Variants in PALS1 observed in about 807,000 individuals in gnomAD.
PALS1 encodes protein associated with LIN7 1, MAGUK p55 family member, also known as protein PALS1.
PALS1 carries 31 observed loss-of-function variants against 78.9 expected under a neutral mutation model. The observed-to-expected ratio is 0.39, with a 90% CI of 0.30 to 0.53. The LOEUF (loss-of-function observed/expected upper bound fraction) is 0.53. Ranked by LOEUF, PALS1 falls within the 20% of genes least tolerant of loss-of-function variation. The pLI is 0.67. For synonymous variants in PALS1, 276 were observed against 270.9 expected, an observed-to-expected ratio of 1.02 and a Z score of -0.18; for missense variants, 704 against 826.5, an observed-to-expected ratio of 0.85 and a Z score of 1.82.
chr14:67,252,962 CAA>C (rs2084089079), intron 1 of PALS1, among the ~76,000 whole-genome samples: 1 of 152,180 alleles, frequency 6.6e-6, no homozygotes, highest in South Asian at 2.1e-4. Context: ...GCTTTTTCTA[CAA>C]AGACATAACC....
At chr14:67,301,745 A>G (rs2084934977) in intron 5 of PALS1, among the ~76,000 whole-genome samples, 1 of 152,138 alleles carries the variant, frequency 6.6e-6, no homozygotes, top group Non-Finnish European at 1.5e-5. Context: ...GGGTGTGTAG[A>G]CCTTTACATT....
intron 2 of PALS1, among the ~76,000 whole-genome samples, 170 bp from the exon 3 acceptor site, chr14:67,278,848 C>G (rs919631567): frequency 1.4e-4 from 22 of 152,164 alleles, no homozygotes; most frequent in African/African-American, 5.1e-4. Flanking sequence ...AGGGGGGAAT[C>G]TTGATTTCCT....
At position 67,332,821 on chromosome 14, in the gene PALS1, G is replaced by A; in HGVS notation, c.1893G>A (p.Met631Ile). 1 of 1,613,658 alleles carries A rather than the reference G, an allele frequency of 6.2e-7. No individual in the cohort carries two copies. Among genetic ancestry groups the A allele is most frequent in the African/African-American group, 1.3e-5 (1 of 75,014 alleles). ...AAATCATTGAGAAGACAAGAGAGATGGAGCAGAACAATGGCCACTACTTTG... is the reference window on the plus strand; with the variant it reads ...AAATCATTGAGAAGACAAGAGAGATAGAGCAGAACAATGGCCACTACTTTG... ...LREIIEKTRE[M>I]EQNNGHYFDT... The change falls in exon 15 of 15, where the codon ATG (methionine) becomes ATA (isoleucine). Residue 631 changes from methionine (M) to isoleucine (I), a missense_variant. Met to Ile is a conservative substitution (Grantham distance 10). Coordinates refer to ENST00000261681, the MANE Select transcript of PALS1 (RefSeq NM_022474.4).
chr14:67,324,353 C>T (rs1038172825), intron 14 of PALS1, among the ~76,000 whole-genome samples: 9 of 152,100 alleles, frequency 5.9e-5, no homozygotes, highest in Non-Finnish European at 1.0e-4. Context: ...ACAGCATTGA[C>T]TTTTTATTTA....
At chr14:67,303,952 G>A (rs2084964687) in intron 8 of PALS1, 1 of 206,768 alleles carries the variant, frequency 4.8e-6, no homozygotes, top group African/African-American at 2.3e-5. Context: ...ATTTTTGGTA[G>A]AGACAGGGTT....
chr14:67,244,838 T>G (rs748330914), intron 1 of PALS1, among the ~76,000 whole-genome samples: 5 of 152,236 alleles, frequency 3.3e-5, no homozygotes, highest in Non-Finnish European at 5.9e-5. Context: ...TTTGCTTAAG[T>G]GGCAAAGGCT....
At chr14:67,332,467 T>C (rs551786874) in intron 14 of PALS1, among the ~76,000 whole-genome samples, 7 of 152,320 alleles carry the variant, frequency 4.6e-5, no homozygotes, top group Middle Eastern at 3.4e-3. Context: ...AAAACAAATG[T>C]TTGTAGGGAA....
chr14:67,251,566 A>G (rs994681060), intron 1 of PALS1, among the ~76,000 whole-genome samples: 1 of 149,836 alleles, frequency 6.7e-6, no homozygotes, highest in Non-Finnish European at 1.5e-5. Flanking sequence ...ATTAAAGTGA[A>G]GAACTTTGAG....
intron 11 of PALS1, among the ~76,000 whole-genome samples, chr14:67,318,326 T>G (rs2085209904): frequency 6.9e-6 from 1 of 144,516 alleles, no homozygotes; most frequent in African/African-American, 2.7e-5. Context: ...TAATAAATTT[T>G]TTTCTAAAAT....
intron 3 of PALS1, among the ~76,000 whole-genome samples, chr14:67,290,153 A>G (rs1334956754): frequency 6.6e-6 from 1 of 152,108 alleles, no homozygotes; most frequent in African/African-American, 2.4e-5. Flanking sequence ...TTACAGGTTT[A>G]ATTTTAGTCA....
intron 6 of PALS1, 30 bp from the exon 7 acceptor site, chr14:67,302,379 AT>A (rs2084944023): frequency 7.5e-7 from 1 of 1,329,076 alleles, no homozygotes; most frequent in Non-Finnish European, 9.8e-7. Context: ...TATTATTTTT[AT>A]TTTTAAATTA....
In PALS1 at chr14:67,319,189, A is replaced by G. The variant is rs559357375; in HGVS notation, c.1370-1041A>G. Reference sequence around the variant, plus strand: ...CTCTGTGCCAGGCTCTGTGCTGAGCATTGACAAGCCTAAGATGGTCCCCTA... The same window carrying G: ...CTCTGTGCCAGGCTCTGTGCTGAGCGTTGACAAGCCTAAGATGGTCCCCTA... On this transcript the variant is annotated intron_variant, in intron 11 of 14. Transcript: ENST00000261681. Among the ~76,000 whole-genome samples, 4 of 152,332 alleles carry G rather than the reference A, an allele frequency of 2.6e-5. No individual in the cohort carries two copies. The South Asian group carries it at 8.3e-4, about 32-fold the overall frequency.
At position 67,315,712 on chromosome 14, in the gene PALS1, A is replaced by G. The variant is rs1288161743; in HGVS notation, c.1226-1120A>G. 2.0e-5 allele frequency among the ~76,000 whole-genome samples: 3 copies of G among 152,186 alleles called. No homozygotes were observed. In the East Asian group the frequency reaches 5.8e-4, roughly 30 times the overall value. On this transcript the variant is annotated intron_variant, in intron 9 of 14. Transcript: ENST00000261681. ...AGGCCAAGCAGGAGGATCACCTGAG[A>G]TTAGGAGTTTAAGACCAGCCTGGCC... is the stretch of plus-strand genomic sequence containing the variant.
At chr14:67,269,406 T>C (rs1459648561) in intron 1 of PALS1, among the ~76,000 whole-genome samples, 1 of 152,150 alleles carries the variant, frequency 6.6e-6, no homozygotes. Flanking sequence ...ATCGCTGATA[T>C]GGTAACCCTA....
chr14:67,323,175 A>G (rs995440761), intron 13 of PALS1, among the ~76,000 whole-genome samples: 4 of 151,644 alleles, frequency 2.6e-5, no homozygotes, highest in African/African-American at 9.7e-5. Context: ...AGCTAAAATT[A>G]TATGTATATA....
At chr14:67,314,512 C>T (rs530128936) in intron 9 of PALS1, among the ~76,000 whole-genome samples, 1 of 152,198 alleles carries the variant, frequency 6.6e-6, no homozygotes, top group South Asian at 2.1e-4. Context: ...ATGCTAAAAC[C>T]CGTGATTCTT....
intron 4 of PALS1, among the ~76,000 whole-genome samples, chr14:67,296,585 CAAAAAAAAAA>C (rs374329692): frequency 1.4e-4 from 7 of 51,000 alleles, no homozygotes; most frequent in South Asian, 4.8e-4. Context: ...AACTCTGTCT[CAAAAAAAAAA>C]AAAAAAAAAA....
chr14:67,257,081 G>A (rs114525907), intron 1 of PALS1, among the ~76,000 whole-genome samples: 24 of 152,028 alleles, frequency 1.6e-4, no homozygotes, highest in African/African-American at 4.8e-4. Context: ...CCGGTAAGAC[G>A]GAACAACTTG....
At chr14:67,317,005 A>G (rs2085186423) in intron 10 of PALS1, 102 bp downstream of exon 10, 4 of 879,906 alleles carry the variant, frequency 4.5e-6, no homozygotes, top group East Asian at 5.3e-5. Flanking sequence ...ACTCAGGGAA[A>G]GAGTGATACA....
Sources: allele counts gnomAD v4.1 joint callset (sites outside exome capture counted in the v4.1 genomes callset), GRCh38; gene constraint gnomAD v4.1.1; transcripts MANE v1.5; gene names NCBI Gene and HGNC (gene_info 2026-07-23, HGNC 2026-07-21).